CAMKMT: variants seen among roughly 807,000 people sequenced by gnomAD.
CAMKMT encodes the protein calmodulin-lysine N-methyltransferase, also known as CaM KMT.
A neutral mutation model predicts 48.0 loss-of-function variants in CAMKMT; 53 were observed. The observed-to-expected ratio is 1.10, with a 90% CI of 0.89 to 1.39. The LOEUF is 1.39. Among genes scored for constraint, CAMKMT ranks in the 40% most tolerant of loss-of-function variants. The probability of loss-of-function intolerance (pLI) is 0.00; values close to 1 mark genes in which losing one functional copy is unlikely to be tolerated. For missense variants in CAMKMT, 428 were observed against 402.7 expected (o/e 1.06, Z -0.54); for synonymous variants, 165 against 152.3 (o/e 1.08, Z -0.61).
intron 3 of CAMKMT, among the ~76,000 whole-genome samples, chr2:44,687,967 G>T (rs1414954057): frequency 3.9e-5 from 6 of 152,208 alleles, no homozygotes; most frequent in Non-Finnish European, 8.8e-5. Flanking sequence ...CAAGTGATAA[G>T]CCTGTCTGCT....
rs566809449 is a variant in CAMKMT at position 44,755,274 on chromosome 2, C to T, written c.762+1156C>T. Among the ~76,000 whole-genome samples, 54 of 152,192 alleles carry T rather than the reference C, an allele frequency of 3.5e-4. No individual in the cohort carries two copies. The South Asian group carries it at 0.011, about 30-fold the overall frequency. ...GTGAAATGGGCACCAGATCTTGAGG[C>T]AAGGAAGGGGCATGTTCCAAGCTAT... is the stretch of plus-strand genomic sequence containing the variant. On this transcript the variant is annotated intron_variant, in intron 9 of 10. Coordinates refer to ENST00000378494, the MANE Select transcript of CAMKMT (RefSeq NM_024766.5).
chr2:44,437,467 G>A (rs1415522252), intron 3 of CAMKMT, among the ~76,000 whole-genome samples: 1 of 141,008 alleles, frequency 7.1e-6, no homozygotes, highest in Non-Finnish European at 1.5e-5. Flanking sequence ...AGTTGAAAAC[G>A]TTTTTTATTT....
intron 3 of CAMKMT, among the ~76,000 whole-genome samples, chr2:44,425,265 C>T (rs921279709): frequency 6.6e-6 from 1 of 152,048 alleles, no homozygotes; most frequent in African/African-American, 2.4e-5. Flanking sequence ...TACCAAAAGA[C>T]AACAATATTT....
At chr2:44,499,972 G>C (rs1239983694) in intron 3 of CAMKMT, among the ~76,000 whole-genome samples, 1 of 152,042 alleles carries the variant, frequency 6.6e-6, no homozygotes, top group East Asian at 1.9e-4. Flanking sequence ...ACTTGAGTTG[G>C]ATTTCATGTA....
At chr2:44,401,413 C>G (rs1572769855) in intron 3 of CAMKMT, among the ~76,000 whole-genome samples, 1 of 151,934 alleles carries the variant, frequency 6.6e-6, no homozygotes, top group Non-Finnish European at 1.5e-5. Context: ...AAAAATTAGC[C>G]AGGCATGGTG....
At chr2:44,377,447 TA>T (rs1356883063) in intron 2 of CAMKMT, among the ~76,000 whole-genome samples, 1 of 152,216 alleles carries the variant, frequency 6.6e-6, no homozygotes, top group East Asian at 1.9e-4. Context: ...TCATAAACTA[TA>T]ATATATTGTT....
intron 2 of CAMKMT, among the ~76,000 whole-genome samples, chr2:44,378,812 C>A (rs1021371572): frequency 1.3e-5 from 2 of 152,114 alleles, no homozygotes; most frequent in African/African-American, 4.8e-5. Flanking sequence ...TTTTTAAAAC[C>A]TTCTGAAAAC....
chr2:44,715,404 A>T (rs982757032), intron 7 of CAMKMT, 51 bp downstream of exon 7: 3 of 1,283,570 alleles, frequency 2.3e-6, no homozygotes, highest in Non-Finnish European at 3.4e-6. Context: ...GCTTTTCTTG[A>T]TACTATGGAT....
At chr2:44,423,243 G>A (rs976149936) in intron 3 of CAMKMT, among the ~76,000 whole-genome samples, 8 of 151,936 alleles carry the variant, frequency 5.3e-5, no homozygotes, top group African/African-American at 9.7e-5. Flanking sequence ...GCAATGGTGC[G>A]ATCTCGGCTC....
At chr2:44,537,614 G>A (rs925850257) in intron 3 of CAMKMT, among the ~76,000 whole-genome samples, 14 of 151,932 alleles carry the variant, frequency 9.2e-5, no homozygotes, top group Admixed American at 7.9e-4. Flanking sequence ...CACTCAGGCT[G>A]AGTGCAATGG....
At chr2:44,546,596 C>A (rs1408941785) in intron 3 of CAMKMT, among the ~76,000 whole-genome samples, 2 of 152,224 alleles carry the variant, frequency 1.3e-5, no homozygotes, top group Non-Finnish European at 2.9e-5. Flanking sequence ...AATCAATATT[C>A]AGCATTCAGT....
chr2:44,606,818 C>T (rs1558740081), intron 3 of CAMKMT, among the ~76,000 whole-genome samples: 1 of 151,258 alleles, frequency 6.6e-6, no homozygotes, highest in Non-Finnish European at 1.5e-5. Context: ...ACCCCCCCCC[C>T]ACCAAGATTA....
In CAMKMT at chr2:44,673,471, G is replaced by GGAAGGAAGGA. The variant is rs1553435760; in HGVS notation, c.377-30812_377-30811insGAAGGAAGGA. ...AGAGAGAAAGAGAAAGAAAGAGAGAGAGGAAGGAAGGAAGGAAGGAAGGAA... is the reference window on the plus strand; with the variant it reads ...AGAGAGAAAGAGAAAGAAAGAGAGAGGAAGGAAGGAAGGAAGGAAGGAAGGAAGGAAGGAA... On this transcript the variant is annotated intron_variant, in intron 3 of 10. Transcript: ENST00000378494. Among the ~76,000 whole-genome samples the GGAAGGAAGGA allele has an allele frequency of 4.7e-4, 55 of 116,862 alleles. No individual in the cohort carries two copies. The East Asian group carries it at 0.011, about 24-fold the overall frequency. 76.7% of individuals were successfully genotyped at this position (116,862 alleles called of 152,430 possible). A position where few individuals can be genotyped will look rare whatever the true frequency, so the allele number is the denominator to read the frequency against.
intron 3 of CAMKMT, among the ~76,000 whole-genome samples, chr2:44,597,386 T>G (rs1212856937): frequency 1.3e-5 from 2 of 152,254 alleles, no homozygotes; most frequent in African/African-American, 4.8e-5. Flanking sequence ...TTATTTCCAG[T>G]GAATCCACAA....
intron 3 of CAMKMT, among the ~76,000 whole-genome samples, chr2:44,430,247 A>T (rs1441717835): frequency 6.6e-6 from 1 of 152,102 alleles, no homozygotes; most frequent in African/African-American, 2.4e-5. Flanking sequence ...AGGGCCTGGA[A>T]TCACACCTTT....
At position 44,536,101 on chromosome 2, in the gene CAMKMT, T is replaced by C. The variant is rs562993264; in HGVS notation, c.376+145796T>C. 1.2e-4 allele frequency among the ~76,000 whole-genome samples: 19 copies of C among 152,226 alleles called. No homozygotes were observed. The South Asian group carries it at 2.7e-3, about 22-fold the overall frequency. On this transcript the variant is annotated intron_variant, in intron 3 of 10. Transcript: ENST00000378494. Reference sequence around the variant, plus strand: ...GCTGAAAGAGAAATCAAATAAGTAATCTCATTTGCAATAGCTGCAAAGAAA... The same window carrying C: ...GCTGAAAGAGAAATCAAATAAGTAACCTCATTTGCAATAGCTGCAAAGAAA...
Position 44,772,105 on chromosome 2 carries a change from C to T in CAMKMT, c.964C>T (p.His322Tyr). 6.2e-7 allele frequency: 1 copy of T among 1,612,994 alleles called. No homozygotes were observed. Among genetic ancestry groups the T allele is most frequent in the African/African-American group, 1.3e-5 (1 of 74,976 alleles). Residue 322 changes from histidine to tyrosine, a missense_variant, in exon 11 of 11, where the codon CAT becomes TAT. His to Tyr is a moderately conservative substitution (Grantham distance 83, BLOSUM62 2). Coordinates refer to ENST00000378494, the MANE Select transcript of CAMKMT (RefSeq NM_024766.5). ...HYPLLLILTK[H>Y]G ...CCCGCTTCTGCTTATTTTGACCAAA[C>T]ATGGATAGAAGATTAAGCTTCTCAA...
intron 9 of CAMKMT, among the ~76,000 whole-genome samples, chr2:44,762,515 G>GGA (rs978489846): frequency 2.0e-5 from 3 of 152,140 alleles, no homozygotes; most frequent in African/African-American, 7.2e-5. Context: ...GAAGCTGGGG[G>GGA]GAGTGGGGAG....
intron 3 of CAMKMT, among the ~76,000 whole-genome samples, chr2:44,608,661 T>C (rs887857679): frequency 1.3e-5 from 2 of 152,182 alleles, no homozygotes; most frequent in African/African-American, 4.8e-5. Flanking sequence ...CTCTCTCTCT[T>C]TCTCTTTTTG....
Sources: allele counts gnomAD v4.1 joint callset (sites outside exome capture counted in the v4.1 genomes callset), GRCh38; gene constraint gnomAD v4.1.1; transcripts MANE v1.5; gene names NCBI Gene and HGNC (gene_info 2026-07-23, HGNC 2026-07-21).